ZNF880: variants seen among roughly 807,000 people sequenced by gnomAD.
ZNF880 encodes the protein zinc finger protein 880.
Under a neutral mutation model 11.8 loss-of-function variants are expected in ZNF880, and 12 were observed. The observed-to-expected ratio is 1.02, with a 90% CI of 0.65 to 1.65. The LOEUF (loss-of-function observed/expected upper bound fraction) is 1.65, where lower values mean the gene tolerates loss of function less well. ZNF880 is among the 40% of genes most tolerant of loss of function. The pLI, the probability that ZNF880 is intolerant of heterozygous loss-of-function variation, is 0.00. For synonymous variants in ZNF880, 210 were observed against 232.4 expected, an observed-to-expected ratio of 0.90 and a Z score of 0.88; for missense variants, 601 against 673.9, an observed-to-expected ratio of 0.89 and a Z score of 1.20.
intron 1 of ZNF880, 125 bp from the exon 2 acceptor site, chr19:52,372,986 A>G (rs1986432407): frequency 1.2e-6 from 1 of 838,136 alleles, no homozygotes; most frequent in African/African-American, 1.7e-5. Flanking sequence ...TTAGAAACAT[A>G]TAACTAGCTA....
intron 1 of ZNF880, among the ~76,000 whole-genome samples, chr19:52,372,238 G>A (rs550899512): frequency 8.6e-5 from 13 of 151,252 alleles, no homozygotes; most frequent in African/African-American, 2.9e-4. Flanking sequence ...AATAACTGTG[G>A]GTTAATTTTT....
At chr19:52,376,508 C>T (rs75927815) in intron 3 of ZNF880, among the ~76,000 whole-genome samples, 348 of 22,308 alleles carry the variant, frequency 0.016, 2 homozygotes, top group African/African-American at 0.032. Context: ...CCCCCCCCCC[C>T]CTTTTTTTTT....
chr19:52,369,823 C>A, upstream of ZNF880: 2 of 1,020,006 alleles, frequency 2.0e-6, no homozygotes, highest in South Asian at 1.4e-5. Flanking sequence ...GCAGGTCTAG[C>A]CTCCAAAACG....
downstream of ZNF880, among the ~76,000 whole-genome samples, chr19:52,388,297 T>TTTTTTTTTTTC (rs1365872389): frequency 7.6e-6 from 1 of 131,908 alleles, no homozygotes; most frequent in African/African-American, 3.1e-5. Flanking sequence ...TTTTTTTTTT[T>TTTTTTTTTTTC]TTTTTTTTTA....
At chr19:52,391,466 A>C in the ZNF880 span, 1 of 152,004 alleles carries the variant, frequency 6.6e-6, no homozygotes, top group Non-Finnish European at 1.5e-5. Flanking sequence ...AGAGCAGGAG[A>C]AGGAAGAAGG....
downstream of ZNF880, chr19:52,388,729 T>A (rs894681239): frequency 6.6e-5 from 10 of 152,160 alleles, no homozygotes; most frequent in African/African-American, 2.2e-4. Context: ...GAAAGCAGGA[T>A]GGACTTCCCC....
chr19:52,388,145 G>A (rs1047340114), downstream of ZNF880, among the ~76,000 whole-genome samples: 11 of 146,958 alleles, frequency 7.5e-5, 2 homozygotes, highest in South Asian at 1.1e-3. Flanking sequence ...CCCAAAGTGC[G>A]GGGATTACAG....
chr19:52,379,456 C>T (rs371180599), intron 3 of ZNF880: 274 of 443,060 alleles, frequency 6.2e-4, no homozygotes, highest in African/African-American at 3.5e-3. Flanking sequence ...AGTGCAATGC[C>T]GCGATCTCGG....
chr19:52,370,089 C>A, intron 1 of ZNF880, 112 bp downstream of exon 1: 1 of 1,370,450 alleles, frequency 7.3e-7, no homozygotes, highest in Non-Finnish European at 1.0e-6. Flanking sequence ...GCTCCCTCCA[C>A]CCCGACTAAA....
intron 3 of ZNF880, chr19:52,379,859 T>C (rs941170085): frequency 2.0e-5 from 3 of 152,054 alleles, no homozygotes; most frequent in Non-Finnish European, 2.9e-5. Flanking sequence ...TACTGGTAAT[T>C]TGATTTTGGA....
chr19:52,386,082 G>A (rs1986878284), downstream of ZNF880, among the ~76,000 whole-genome samples: 1 of 138,962 alleles, frequency 7.2e-6, no homozygotes. Context: ...GGCTGAGGCA[G>A]GACAATGGTG....
At chr19:52,393,683 A>G in the ZNF880 span, among the ~76,000 whole-genome samples, 3 of 152,010 alleles carry the variant, frequency 2.0e-5, no homozygotes, top group Non-Finnish European at 2.9e-5. Flanking sequence ...TCAGATTTGT[A>G]TAATTCATAT....
At chr19:52,392,394 G>A in the ZNF880 span, among the ~76,000 whole-genome samples, 4 of 152,096 alleles carry the variant, frequency 2.6e-5, no homozygotes, top group Non-Finnish European at 5.9e-5. Flanking sequence ...GCCACCTCCC[G>A]GGTTCAAGTG....
Position 52,384,174 on chromosome 19 carries a change from A to C in ZNF880, c.594A>C (p.Arg198Ser), listed in dbSNP as rs8104808. 0.39 allele frequency: 620,188 copies of C among 1,607,310 alleles called. 121,633 individuals are homozygous for C. Among genetic ancestry groups the C allele is most frequent in the South Asian group, 0.53 (47,608 of 90,558 alleles). The change falls in exon 4 of 4, where the codon AGA becomes AGC. Residue 198 changes from arginine to serine, a missense_variant. Physicochemically the swap from Arg to Ser is moderately radical, Grantham distance 110 (BLOSUM62 -1). This residue lies in a region of ZNF880 where 420 missense variants were observed against 442.6 expected (regional missense o/e 0.95). Transcript: ENST00000422689. ...EHGKAFRVSSRLANNQVIHTA... is the reference protein window; with the variant it reads ...EHGKAFRVSSSLANNQVIHTA... ...GCAAAGCCTTTAGAGTGTCTTCAAG[A>C]CTTGCTAACAATCAAGTAATCCACA...
At chr19:52,391,504 AAAAT>A in the ZNF880 span, 1 of 152,134 alleles carries the variant, frequency 6.6e-6, no homozygotes, top group Non-Finnish European at 1.5e-5. Context: ...TCCTAGGGGA[AAAAT>A]AAAGAGAAAA....
chr19:52,376,330 G>T (rs324089), intron 3 of ZNF880, among the ~76,000 whole-genome samples: 105,810 of 151,820 alleles, frequency 0.7, 37,630 homozygotes, highest in African/African-American at 0.83. Context: ...CATGTAGTAT[G>T]TTTTGATTTT....
Position 52,384,032 on chromosome 19 carries a change from C to T in ZNF880, c.452C>T (p.Ser151Phe), listed in dbSNP as rs1189506382. ...GTTTCACCACTTCAAAAAATTTATT[C>T]TAGTGTCAAATCCCACATTTTAAAT... is the stretch of plus-strand genomic sequence containing the variant. ...SLVSPLQKIY[S>F]SVKSHILNKY... The change falls in exon 4 of 4, where the codon TCT becomes TTT. Residue 151 changes from serine (S) to phenylalanine (F), a missense_variant. Around this residue, in one of 3 missense-constraint regions of ZNF880, gnomAD observed 420 missense variants for 442.6 expected, o/e 0.95. Transcript: ENST00000422689. 3 of 1,556,072 alleles carry T rather than the reference C, an allele frequency of 1.9e-6. No homozygotes were observed. The highest frequency in any genetic ancestry group is 1.7e-4 in the Middle Eastern group (1 of 5,992).
In ZNF880 at chr19:52,374,394, G is replaced by C. The variant is rs1438274823; in HGVS notation, c.235G>C (p.Gly79Arg). 18 of 1,613,040 alleles carry C rather than the reference G, an allele frequency of 1.1e-5. No homozygotes were observed. The highest frequency in any genetic ancestry group is 1.4e-5 in the Non-Finnish European group (17 of 1,179,582). Residue 79 changes from glycine to arginine, a missense_variant, in exon 3 of 4, where the codon GGT (glycine) becomes CGT (arginine). Around this residue, in one of 3 missense-constraint regions of ZNF880, gnomAD observed 420 missense variants for 442.6 expected, o/e 0.95. Coordinates refer to ENST00000422689, the MANE Select transcript of ZNF880 (RefSeq NM_001145434.2). ...QSEVKIANNP[G>R]GRECIKGVNA... ...TGAAGTGAAAATAGCAAACAATCCA[G>C]GTGGCAGGGAGTGCATCAAAGGTGT...
rs776268591 is a variant in ZNF880, at chr19:52,384,150, C to A, written c.570C>A (p.Gly190=). The change falls in exon 4 of 4, where the codon GGC becomes GGA. Residue 190 remains glycine, a synonymous_variant. Transcript: ENST00000422689. ...REKPCECNEH[G]KAFRVSSRLA... is the part of the protein sequence containing the mutation. Reference sequence around the variant, plus strand: ...AACCGTGTGAATGTAATGAGCATGGCAAAGCCTTTAGAGTGTCTTCAAGAC... The same window carrying A: ...AACCGTGTGAATGTAATGAGCATGGAAAAGCCTTTAGAGTGTCTTCAAGAC... The A allele has an allele frequency of 1.9e-6, 3 of 1,606,346 alleles. No homozygotes were observed. Among genetic ancestry groups the A allele is most frequent in the African/African-American group, 2.7e-5 (2 of 74,756 alleles).
Sources: gnomAD v4.1 joint callset for allele counts (sites outside exome capture counted in the v4.1 genomes callset) on GRCh38, gnomAD v4.1.1 for gene constraint, gnomAD v4.1.1 regional missense constraint, MANE v1.5 for transcripts, NCBI Gene and HGNC (gene_info 2026-07-23, HGNC 2026-07-21) for gene names.